Variants in RBFOX3 observed in about 807,000 individuals in gnomAD.
RBFOX3 encodes RNA binding protein fox-1 homolog 3.
In RBFOX3, 17 loss-of-function variants were observed where a neutral mutation model predicts 48.7. That is an observed-to-expected ratio of 0.35 (90% CI 0.24 to 0.52). RBFOX3 has a LOEUF of 0.52. Ranked by LOEUF, RBFOX3 falls within the 20% of genes least tolerant of loss-of-function variation. The probability of loss-of-function intolerance (pLI) is 0.94; values close to 1 mark genes in which losing one functional copy is unlikely to be tolerated. For synonymous variants in RBFOX3, 212 were observed against 209.5 expected (o/e 1.01, Z -0.10); for missense variants, 382 against 497.5 (o/e 0.77, Z 2.21).
intron 1 of RBFOX3, among the ~76,000 whole-genome samples, chr17:79,501,688 C>T (rs1446724634): frequency 1.3e-5 from 2 of 152,208 alleles, no homozygotes; most frequent in African/African-American, 4.8e-5. Flanking sequence ...ATTTGCATTC[C>T]ATGCACACAC....
chr17:79,266,635 A>C (rs938524098), intron 3 of RBFOX3, among the ~76,000 whole-genome samples: 8 of 152,120 alleles, frequency 5.3e-5, no homozygotes, highest in Admixed American at 3.9e-4. Flanking sequence ...ATAGCTTCAG[A>C]ATGGGAGCTG....
At position 79,311,373 on chromosome 17, in the gene RBFOX3, C is replaced by T. The variant is rs1010548762; in HGVS notation, c.-174-3549G>A. On this transcript the variant is annotated intron_variant, in intron 2 of 14. Coordinates refer to ENST00000693108, the MANE Select transcript of RBFOX3 (RefSeq NM_001350451.2). This position sits in a 1 kb window ranked among gnomAD's most constrained non-coding sequence, Gnocchi z 4.2. ...ACTCGAACCTGGGAGGCAGAGGTTG[C>T]AGTGAGCCAAGATCACACCATTGCA... Among the ~76,000 whole-genome samples the T allele has an allele frequency of 2.1e-5, 3 of 145,114 alleles. No homozygotes were observed. Among genetic ancestry groups the T allele is most frequent in the Non-Finnish European group, 4.5e-5 (3 of 67,154 alleles).
chr17:79,135,456 A>C (rs2039973134), intron 4 of RBFOX3, among the ~76,000 whole-genome samples: 1 of 152,192 alleles, frequency 6.6e-6, no homozygotes, highest in South Asian at 2.1e-4. Flanking sequence ...GGCTGGACAC[A>C]GGGATGCTCC....
At chr17:79,102,263 T>C (rs1041320719) in intron 8 of RBFOX3, among the ~76,000 whole-genome samples, 9 of 152,140 alleles carry the variant, frequency 5.9e-5, no homozygotes, top group African/African-American at 1.7e-4. Flanking sequence ...AGACGAGGCA[T>C]GTGTGGGAGG....
intron 1 of RBFOX3, among the ~76,000 whole-genome samples, chr17:79,520,270 G>A: frequency 6.6e-6 from 1 of 152,230 alleles, no homozygotes; most frequent in East Asian, 1.9e-4. Flanking sequence ...AGCAGGGCAG[G>A]AGACAGCAGG....
chr17:79,609,104 C>G (rs2093909452), intron 1 of RBFOX3, among the ~76,000 whole-genome samples: 1 of 152,260 alleles, frequency 6.6e-6, no homozygotes, highest in Non-Finnish European at 1.5e-5. Context: ...TGTAATATCC[C>G]CGTGAACAAC....
At chr17:79,192,316 G>T (rs1029342302) in intron 4 of RBFOX3, among the ~76,000 whole-genome samples, 1 of 152,168 alleles carries the variant, frequency 6.6e-6, no homozygotes, top group Admixed American at 6.5e-5. Context: ...ATCAGGATGG[G>T]GGGGAGCCGT....
Position 79,094,450 on chromosome 17 carries a change from C to T in RBFOX3, c.1077+1G>A. 6.7e-7 allele frequency: 1 copy of T among 1,496,292 alleles called. No individual in the cohort carries two copies. The highest frequency in any genetic ancestry group is 8.9e-7 in the Non-Finnish European group (1 of 1,124,586). The allele number at this position is 1,496,292 out of a possible 1,614,324, so 92.7% of individuals were successfully genotyped here. On this transcript the variant is annotated splice_donor_variant, in intron 14 of 14. Transcript: ENST00000693108. LOFTEE classifies it high-confidence loss of function. The stretch of plus-strand genomic sequence containing the variant: ...GGGCTGGGCGGGCCTGGGCTCCTTA[C>T]CATGGTTCCAATGCTGTAGGTCGCC...
At position 79,471,286 on chromosome 17, in the gene RBFOX3, G is replaced by A. The variant is rs1007979363; in HGVS notation, c.-175+11168C>T. 1.6e-4 allele frequency among the ~76,000 whole-genome samples: 25 copies of A among 152,266 alleles called. No homozygotes were observed. The highest frequency in any genetic ancestry group is 4.6e-4 in the African/African-American group (19 of 41,552). On this transcript the variant is annotated intron_variant, in intron 2 of 14. Transcript: ENST00000693108. The surrounding 1 kb of genome is among the most constrained non-coding windows in gnomAD (Gnocchi z 4.0). ...ACGTGACCAGCACTGGCCAGGGTGCGACGCTTGGGGTATTCGCAGGGAAAT... is the reference window on the plus strand; with the variant it reads ...ACGTGACCAGCACTGGCCAGGGTGCAACGCTTGGGGTATTCGCAGGGAAAT...
At chr17:79,527,482 T>C (rs2086957844) in intron 1 of RBFOX3, among the ~76,000 whole-genome samples, 1 of 152,236 alleles carries the variant, frequency 6.6e-6, no homozygotes, top group South Asian at 2.1e-4. Context: ...CGATGGGCTT[T>C]GTGCCCTCTC....
intron 4 of RBFOX3, among the ~76,000 whole-genome samples, chr17:79,165,923 C>T (rs563613775): frequency 6.9e-4 from 105 of 152,318 alleles, no homozygotes; most frequent in African/African-American, 2.3e-3. Flanking sequence ...TGACACGCGG[C>T]GGGGTTGCTG....
intron 2 of RBFOX3, among the ~76,000 whole-genome samples, chr17:79,428,525 C>T (rs1555726789): frequency 2.6e-5 from 4 of 152,266 alleles, no homozygotes. Flanking sequence ...AACATCACCA[C>T]AGCCATGCCA....
At chr17:79,614,970 A>AT (rs1213772167), upstream of RBFOX3, among the ~76,000 whole-genome samples, 418 of 152,198 alleles carry the variant, frequency 2.7e-3, 1 homozygote, top group African/African-American at 9.3e-3. Flanking sequence ...TTACTTAAGA[A>AT]TTTTTTTCCA....
the RBFOX3 span, among the ~76,000 whole-genome samples, chr17:79,648,186 G>A: frequency 6.6e-6 from 1 of 152,186 alleles, no homozygotes; most frequent in Non-Finnish European, 1.5e-5. Context: ...GAGACGAACT[G>A]GATGGGCCTA....
At chr17:79,420,929 C>T (rs1305195492) in intron 2 of RBFOX3, among the ~76,000 whole-genome samples, 2 of 152,220 alleles carry the variant, frequency 1.3e-5, no homozygotes, top group Admixed American at 1.3e-4. Flanking sequence ...AGACTCAGGT[C>T]AGCCATGTAC....
intron 1 of RBFOX3, among the ~76,000 whole-genome samples, chr17:79,510,363 G>A (rs1419581037): frequency 6.6e-5 from 10 of 152,210 alleles, no homozygotes; most frequent in African/African-American, 1.9e-4. Flanking sequence ...TGACAAGCAC[G>A]CAGGACACGA....
chr17:79,601,057 C>T (rs1045988241), intron 1 of RBFOX3: 3 of 152,390 alleles, frequency 2.0e-5, no homozygotes, highest in Admixed American at 1.3e-4. Flanking sequence ...CTGCTCCCGC[C>T]CCGGGGCCCC....
intron 3 of RBFOX3, among the ~76,000 whole-genome samples, chr17:79,259,625 C>T (rs1358135987): frequency 6.6e-6 from 1 of 152,192 alleles, no homozygotes; most frequent in Non-Finnish European, 1.5e-5. Context: ...TCAGCTGATG[C>T]AGAGGCAGCT....
At chr17:79,264,810 C>T (rs1031951351) in intron 3 of RBFOX3, among the ~76,000 whole-genome samples, 15 of 152,124 alleles carry the variant, frequency 9.9e-5, no homozygotes, top group African/African-American at 2.4e-4. Context: ...AACCGGGCCT[C>T]GACTTCCCCA....
Sources: gnomAD v4.1 joint callset for allele counts (sites outside exome capture counted in the v4.1 genomes callset) on GRCh38, gnomAD v4.1.1 for gene constraint, Gnocchi (gnomAD v3.1) non-coding constraint, MANE v1.5 for transcripts, NCBI Gene and HGNC (gene_info 2026-07-23, HGNC 2026-07-21) for gene names.